MAML3: variants seen among roughly 807,000 people sequenced by gnomAD.
MAML3 encodes the protein mastermind like transcriptional coactivator 3.
A neutral mutation model predicts 101.9 loss-of-function variants in MAML3; 27 were observed. That is an observed-to-expected ratio of 0.27 (90% confidence interval 0.20 to 0.37). The LOEUF is 0.37. MAML3 is among the 10% of genes least tolerant of loss of function. The pLI, the probability that MAML3 is intolerant of heterozygous loss-of-function variation, is 1.00. For missense variants in MAML3, 1,316 were observed against 1,444.9 expected (o/e 0.91, Z 1.45); for synonymous variants, 501 against 555.9 (o/e 0.90, Z 1.39).
intron 1 of MAML3, among the ~76,000 whole-genome samples, chr4:140,011,029 G>A (rs1002279704): frequency 6.0e-5 from 9 of 150,314 alleles, no homozygotes; most frequent in East Asian, 2.0e-4. Flanking sequence ...CCCAGGAGGC[G>A]GAGGTAGCAG....
At chr4:139,896,607 G>GGTGTGTGTGTGTGTGTGTGT (rs113274639) in intron 1 of MAML3, among the ~76,000 whole-genome samples, 4,202 of 144,600 alleles carry the variant, frequency 0.029, 154 homozygotes, top group African/African-American at 0.079. Context: ...CTGTGAAACT[G>GGTGTGTGTGTGTGTGTGTGT]GTGTGTGTGT....
At chr4:139,987,179 T>A (rs2110819074) in intron 1 of MAML3, among the ~76,000 whole-genome samples, 1 of 152,260 alleles carries the variant, frequency 6.6e-6, no homozygotes, top group East Asian at 1.9e-4. Context: ...CTGCCCTACA[T>A]TAAGGTTTAT....
intron 1 of MAML3, among the ~76,000 whole-genome samples, chr4:140,147,620 G>A (rs561897952): frequency 6.6e-6 from 1 of 152,154 alleles, no homozygotes; most frequent in Non-Finnish European, 1.5e-5. Context: ...GACTTAAAAG[G>A]TAGACACTAT....
At chr4:139,726,939 C>G (rs1728496962) in intron 3 of MAML3, among the ~76,000 whole-genome samples, 1 of 152,160 alleles carries the variant, frequency 6.6e-6, no homozygotes, top group African/African-American at 2.4e-5. Context: ...CTTGCGTGAC[C>G]TTGGGGATGT....
intron 1 of MAML3, among the ~76,000 whole-genome samples, chr4:139,951,733 T>C (rs1733834565): frequency 2.0e-5 from 3 of 148,764 alleles, no homozygotes; most frequent in Admixed American, 2.0e-4. Context: ...TTGTTTTTGT[T>C]CTTTTTTTTT....
intron 1 of MAML3, among the ~76,000 whole-genome samples, chr4:139,929,195 G>A (rs936414799): frequency 4.6e-5 from 7 of 152,160 alleles, no homozygotes; most frequent in African/African-American, 1.4e-4. Context: ...GACAAAAAAG[G>A]AGGGAAAAAT....
chr4:140,152,270 C>A (rs1041843521), intron 1 of MAML3, among the ~76,000 whole-genome samples: 4 of 152,236 alleles, frequency 2.6e-5, no homozygotes, highest in South Asian at 2.1e-4. Flanking sequence ...TCACAAAACT[C>A]TCAGACTTTC....
chr4:139,825,837 A>G (rs1731051968), intron 2 of MAML3, among the ~76,000 whole-genome samples: 1 of 151,946 alleles, frequency 6.6e-6, no homozygotes, highest in African/African-American at 2.4e-5. Flanking sequence ...AGCACTGGCA[A>G]TGAGGAACAA....
chr4:139,972,436 T>G (rs1734248519), intron 1 of MAML3, among the ~76,000 whole-genome samples: 1 of 152,352 alleles, frequency 6.6e-6, no homozygotes, highest in South Asian at 2.1e-4. Flanking sequence ...CAGAGGCCCA[T>G]GACTTTATAG....
intron 2 of MAML3, among the ~76,000 whole-genome samples, chr4:139,798,953 T>C (rs1730561813): frequency 6.6e-6 from 1 of 152,208 alleles, no homozygotes; most frequent in African/African-American, 2.4e-5. Flanking sequence ...ATCTAATAAG[T>C]TTATTTATTT....
At chr4:139,894,315 C>A (rs1169871231) in intron 1 of MAML3, among the ~76,000 whole-genome samples, 2 of 152,068 alleles carry the variant, frequency 1.3e-5, no homozygotes, top group Non-Finnish European at 2.9e-5. Context: ...TTGAGACCAT[C>A]CTGGCCAACA....
intron 2 of MAML3, among the ~76,000 whole-genome samples, chr4:139,841,143 G>A (rs552274785): frequency 6.6e-6 from 1 of 152,328 alleles, no homozygotes; most frequent in East Asian, 1.9e-4. Flanking sequence ...ACATAGGGAG[G>A]CAAAAGGAGA....
At chr4:140,067,861 G>A (rs891243990) in intron 1 of MAML3, among the ~76,000 whole-genome samples, 9 of 151,380 alleles carry the variant, frequency 5.9e-5, no homozygotes, top group Non-Finnish European at 1.3e-4. Flanking sequence ...AGCTTCCCAA[G>A]TAGCTGGGAT....
At chr4:139,823,188 T>C (rs1275914344) in intron 2 of MAML3, among the ~76,000 whole-genome samples, 4 of 152,214 alleles carry the variant, frequency 2.6e-5, no homozygotes, top group Admixed American at 6.5e-5. Flanking sequence ...TACCTTAAGA[T>C]TCTATGAATA....
intron 1 of MAML3, among the ~76,000 whole-genome samples, chr4:139,966,647 T>C (rs1022438779): frequency 3.9e-5 from 6 of 152,230 alleles, no homozygotes; most frequent in Non-Finnish European, 7.3e-5. Context: ...CCAGCGGATC[T>C]TCACAGTAAC....
intron 1 of MAML3, among the ~76,000 whole-genome samples, chr4:140,092,120 G>GTA (rs59773240): frequency 0.14 from 18,769 of 133,856 alleles, 1,534 homozygotes; most frequent in East Asian, 0.34. Flanking sequence ...ATATATATAC[G>GTA]TATATATATA....
chr4:140,101,903 C>T (rs1245720687), intron 1 of MAML3, among the ~76,000 whole-genome samples: 1 of 150,322 alleles, frequency 6.7e-6, no homozygotes, highest in African/African-American at 2.5e-5. Context: ...TCTTTCTAGC[C>T]AATAGAACAA....
At chr4:139,967,829 C>T (rs1354037609) in intron 1 of MAML3, among the ~76,000 whole-genome samples, 1 of 152,054 alleles carries the variant, frequency 6.6e-6, no homozygotes, top group East Asian at 1.9e-4. Flanking sequence ...TCTTGCCATA[C>T]TTGTATTTAA....
chr4:139,821,205 T>G (rs918421113), intron 2 of MAML3, among the ~76,000 whole-genome samples: 1 of 152,146 alleles, frequency 6.6e-6, no homozygotes, highest in Admixed American at 6.5e-5. Context: ...GTGAAACATA[T>G]GTATTAGGCC....
Sources: allele counts gnomAD v4.1 joint callset (sites outside exome capture counted in the v4.1 genomes callset), GRCh38; gene constraint gnomAD v4.1.1; transcripts MANE v1.5; gene names NCBI Gene and HGNC (gene_info 2026-07-23, HGNC 2026-07-21).